Variants in RBM28 observed in about 807,000 individuals in gnomAD.
The protein encoded by RBM28 is RNA-binding protein 28.
Under a neutral mutation model 98.3 loss-of-function variants are expected in RBM28, and 78 were observed. The ratio of observed to expected loss-of-function variants is 0.79; its 90% confidence interval spans 0.66 to 0.96. RBM28 has a LOEUF of 0.96. RBM28 is among the 40% of genes least tolerant of loss of function. The pLI, the probability that RBM28 is intolerant of heterozygous loss-of-function variation, is 0.00. For synonymous variants in RBM28, 306 were observed against 330.9 expected, an observed-to-expected ratio of 0.92 and a Z score of 0.82; for missense variants, 838 against 913.0, an observed-to-expected ratio of 0.92 and a Z score of 1.06.
intron 2 of RBM28, 53 bp from the exon 3 acceptor site, chr7:128,339,374 CCAGAACATCA>C (rs749029885): frequency 3.0e-5 from 42 of 1,417,048 alleles, no homozygotes; most frequent in Non-Finnish European, 4.0e-5. Context: ...CACTTCTACG[CCAGAACATCA>C]CAGAAAAAAA....
At chr7:128,311,994 A>G (rs564174047) in intron 18 of RBM28, among the ~76,000 whole-genome samples, 1 of 152,344 alleles carries the variant, frequency 6.6e-6, no homozygotes, top group South Asian at 2.1e-4. Flanking sequence ...TCATCAATGG[A>G]GGGATAAGGC....
rs1795885182 is a variant in RBM28, at chr7:128,307,278, G to A, written c.*3519C>T. The A allele has an allele frequency of 6.6e-6, 1 of 152,206 alleles. No homozygotes were observed. The highest frequency in any genetic ancestry group is 1.5e-5 in the Non-Finnish European group (1 of 68,038). The allele number at this position is 152,206 out of a possible 1,614,324, so 9.4% of individuals were successfully genotyped here. ...ACTTCACAGTGGGTCACATGAATAT[G>A]AAGCAGAGAACTGGCTGTGTGCGTC... On this transcript the variant is annotated 3_prime_UTR_variant, in exon 19 of 19. Coordinates refer to ENST00000223073, the MANE Select transcript of RBM28 (RefSeq NM_018077.3).
chr7:128,343,683 A>G lies in RBM28; in HGVS notation c.111T>C (p.Thr37=). 6.2e-7 allele frequency: 1 copy of G among 1,603,118 alleles called. No individual in the cohort carries two copies. Among genetic ancestry groups the G allele is most frequent in the Admixed American group, 1.7e-5 (1 of 58,978 alleles). ...VGPVKQCFVV[T]EKGSKACRGF... ...CGACCGCCCCGCCCCTACCTTTTTC[A>G]GTCACCACGAAGCACTGCTTCACCG... is the stretch of plus-strand genomic sequence containing the variant. The change falls in exon 1 of 19, where the codon ACT becomes ACC. Residue 37 remains threonine, a synonymous_variant. Coordinates refer to ENST00000223073, the MANE Select transcript of RBM28 (RefSeq NM_018077.3).
Position 128,308,974 on chromosome 7 carries a change from C to CAAAAAAAAAAAAAA in RBM28, c.*1809_*1822dup, listed in dbSNP as rs58579696. The CAAAAAAAAAAAAAA allele has an allele frequency of 1.4e-5, 1 of 73,756 alleles. No homozygotes were observed. The highest frequency in any genetic ancestry group is 2.3e-5 in the Non-Finnish European group (1 of 43,164). The allele number at this position is 73,756 out of a possible 1,614,324, so 4.6% of individuals were successfully genotyped here. On this transcript the variant is annotated 3_prime_UTR_variant, in exon 19 of 19. Coordinates refer to ENST00000223073, the MANE Select transcript of RBM28 (RefSeq NM_018077.3). Reference sequence around the variant, plus strand: ...CCTGGGCAACAGAGCAAGACTGTCTCAAAAAAAAAAAAAAAAAAGAAATAA... The same window carrying CAAAAAAAAAAAAAA: ...CCTGGGCAACAGAGCAAGACTGTCTCAAAAAAAAAAAAAAAAAAAAAAAAAAAAAAAAGAAATAA...
At position 128,310,760 on chromosome 7, in the gene RBM28, TACACA is replaced by T. The variant is rs1222994630; in HGVS notation, c.*32_*36del. On this transcript the variant is annotated 3_prime_UTR_variant, in exon 19 of 19. Transcript: ENST00000223073. ...GGAGCCCAGGAGTGTCACCAGAAAG[TACACA>T]ACCCAGCTTCTTACCCAGCCTGCTG... The T allele has an allele frequency of 1.9e-6, 3 of 1,612,452 alleles. No individual in the cohort carries two copies. The highest frequency in any genetic ancestry group is 2.7e-5 in the African/African-American group (2 of 74,902).
At chr7:128,311,459 C>T (rs558617771) in intron 18 of RBM28, among the ~76,000 whole-genome samples, 11 of 152,196 alleles carry the variant, frequency 7.2e-5, no homozygotes, top group African/African-American at 2.4e-4. Context: ...GTAGGACCAC[C>T]GTTTTCTACT....
rs60518508 is a variant in RBM28, at chr7:128,305,160, CAA to C, written c.*5635_*5636del. The C allele has an allele frequency of 1.5e-3, 156 of 104,944 alleles. No homozygotes were observed. Among genetic ancestry groups the C allele is most frequent in the Middle Eastern group, 0.01 (2 of 194 alleles). The allele number at this position is 104,944 out of a possible 1,614,324, so 6.5% of individuals were successfully genotyped here. ...GGGCAACAAGAATGAAACTCTGTCT[CAA>C]AAAAAAAAAAAAAAAAAGAAAGTTC... On this transcript the variant is annotated 3_prime_UTR_variant, in exon 19 of 19. Transcript: ENST00000223073.
chr7:128,329,566 T>C (rs185268991), intron 10 of RBM28, among the ~76,000 whole-genome samples: 126 of 152,278 alleles, frequency 8.3e-4, no homozygotes, highest in Non-Finnish European at 1.2e-3. Flanking sequence ...TTCACAGCTT[T>C]TGCTAGATCT....
intron 14 of RBM28, among the ~76,000 whole-genome samples, chr7:128,319,944 G>A (rs529577126): frequency 4.3e-4 from 66 of 152,264 alleles, no homozygotes; most frequent in African/African-American, 1.5e-3. Context: ...TGGGCTGGGC[G>A]AGGTGGCTCA....
intron 17 of RBM28, among the ~76,000 whole-genome samples, chr7:128,313,706 G>A (rs946731340): frequency 1.3e-5 from 2 of 152,276 alleles, no homozygotes; most frequent in African/African-American, 4.8e-5. Flanking sequence ...CCTGGTGGGA[G>A]GTGACTGGAT....
intron 9 of RBM28, among the ~76,000 whole-genome samples, chr7:128,331,374 A>C (rs1168111694): frequency 6.6e-6 from 1 of 150,412 alleles, no homozygotes; most frequent in Non-Finnish European, 1.5e-5. Context: ...AAAGACCCAC[A>C]GCCTCCATCA....
In RBM28 at chr7:128,308,201, T is replaced by C. The variant is rs894597307; in HGVS notation, c.*2596A>G. The stretch of plus-strand genomic sequence containing the variant: ...TCATATAAAGAACTCTTTAAAGAAC[T>C]GTACAACAGCTCTCCAAGCAAGTGA... On this transcript the variant is annotated 3_prime_UTR_variant, in exon 19 of 19. Transcript: ENST00000223073. 1 of 152,216 alleles carries C rather than the reference T, an allele frequency of 6.6e-6. No individual in the cohort carries two copies. Among genetic ancestry groups the C allele is most frequent in the Non-Finnish European group, 1.5e-5 (1 of 68,028 alleles). The allele number at this position is 152,216 out of a possible 1,614,324, so 9.4% of individuals were successfully genotyped here. A position where few individuals can be genotyped will look rare whatever the true frequency, so the allele number is the denominator to read the frequency against.
At position 128,306,052 on chromosome 7, in the gene RBM28, T is replaced by C. The variant is rs1050369936; in HGVS notation, c.*4745A>G. 2.0e-5 allele frequency: 3 copies of C among 152,212 alleles called. No homozygotes were observed. Among genetic ancestry groups the C allele is most frequent in the African/African-American group, 7.2e-5 (3 of 41,454 alleles). 9.4% of individuals were successfully genotyped at this position (152,212 alleles called of 1,614,324 possible). ...GGACTATGGGAGCTAGTTCTTATAG[T>C]GGCTCATGATCTACTTGGGAAGGCA... On this transcript the variant is annotated 3_prime_UTR_variant, in exon 19 of 19. Transcript: ENST00000223073.
rs1226520968 is a variant in RBM28 at position 128,299,844 on chromosome 7, G to A, written c.*10953C>T. ...GGCTGGGCCTAAGCCAATATGACTG[G>A]TGTCTTTATAAGAAGAGGGAAATTT... On this transcript the variant is annotated 3_prime_UTR_variant, in exon 19 of 19. Transcript: ENST00000223073. 1 of 151,488 alleles carries A rather than the reference G, an allele frequency of 6.6e-6. No homozygotes were observed. The highest frequency in any genetic ancestry group is 1.9e-4 in the East Asian group (1 of 5,192). 9.4% of individuals were successfully genotyped at this position (151,488 alleles called of 1,614,324 possible).
chr7:128,315,096 T>G, intron 16 of RBM28, 76 bp from the exon 17 acceptor site: 1 of 1,580,620 alleles, frequency 6.3e-7, no homozygotes. Flanking sequence ...GAAGATGAGC[T>G]TTATGTGAGC....
chr7:128,330,554 T>A lies in RBM28; in HGVS notation c.1129+265A>T, dbSNP rs568130882. 1.9e-3 allele frequency among the ~76,000 whole-genome samples: 282 copies of A among 152,120 alleles called. 1 individual carries two copies. The highest frequency in any genetic ancestry group is 6.6e-3 in the African/African-American group (273 of 41,510). Reference sequence around the variant, plus strand: ...ACGCTGCTAATTTTTTGTATTTTAGTAGAGACGGGGTTTCACCGTGTTGCC... The same window carrying A: ...ACGCTGCTAATTTTTTGTATTTTAGAAGAGACGGGGTTTCACCGTGTTGCC... On this transcript the variant is annotated intron_variant, in intron 10 of 18. Coordinates refer to ENST00000223073, the MANE Select transcript of RBM28 (RefSeq NM_018077.3).
intron 1 of RBM28, 110 bp from the exon 2 acceptor site, chr7:128,339,901 A>C: frequency 7.9e-7 from 1 of 1,269,716 alleles, no homozygotes; most frequent in Non-Finnish European, 1.1e-6. Flanking sequence ...TAGAGGATAT[A>C]CTGCCAACCC....
At chr7:128,317,510 C>T in intron 16 of RBM28, 149 bp downstream of exon 16, 5 of 655,834 alleles carry the variant, frequency 7.6e-6, no homozygotes, top group Non-Finnish European at 1.4e-5. Context: ...AGAAGATGGC[C>T]TGGAGAGGCT....
chr7:128,318,943 T>C (rs1249732075), intron 14 of RBM28, among the ~76,000 whole-genome samples: 1 of 152,192 alleles, frequency 6.6e-6, no homozygotes, highest in African/African-American at 2.4e-5. Flanking sequence ...CTCTCCAACA[T>C]ACAGGGTCAG....
Sources: gnomAD v4.1 joint callset for allele counts (sites outside exome capture counted in the v4.1 genomes callset) on GRCh38, gnomAD v4.1.1 for gene constraint, MANE v1.5 for transcripts, NCBI Gene and HGNC (gene_info 2026-07-23, HGNC 2026-07-21) for gene names.